The following PALS2 variants were observed in gnomAD, a reference collection of about 807,000 sequenced individuals.
PALS2 encodes the protein protein PALS2.
A neutral mutation model predicts 61.6 loss-of-function variants in PALS2; 27 were observed. The ratio of observed to expected loss-of-function variants is 0.44; its 90% CI spans 0.32 to 0.60. The LOEUF (loss-of-function observed/expected upper bound fraction) is 0.60, where lower values mean the gene tolerates loss of function less well. Among genes scored for constraint, PALS2 ranks in the 20% least tolerant of loss-of-function variants. The pLI, the probability that PALS2 is intolerant of heterozygous loss-of-function variation, is 0.05. For missense variants in PALS2, 554 were observed against 639.4 expected (o/e 0.87, Z 1.44); for synonymous variants, 236 against 218.6 (o/e 1.08, Z -0.70).
intron 3 of PALS2, among the ~76,000 whole-genome samples, chr7:24,648,895 ACT>A (rs1297352066): frequency 6.9e-6 from 1 of 143,886 alleles, no homozygotes; most frequent in Non-Finnish European, 1.5e-5. Context: ...ACAGAGTGAG[ACT>A]CTGTCTCAAA....
intron 6 of PALS2, among the ~76,000 whole-genome samples, 186 bp from the exon 7 acceptor site, chr7:24,665,402 G>C (rs903737237): frequency 2.6e-4 from 39 of 152,088 alleles, no homozygotes; most frequent in African/African-American, 9.2e-4. Flanking sequence ...AGAATTTTAG[G>C]TGCCAATTGA....
chr7:24,644,006 A>G (rs1785696111), intron 3 of PALS2, among the ~76,000 whole-genome samples: 1 of 152,018 alleles, frequency 6.6e-6, no homozygotes, highest in South Asian at 2.1e-4. Flanking sequence ...TTTTATCTTA[A>G]CATTATACAA....
At chr7:24,663,063 T>G (rs1309956806) in intron 5 of PALS2, among the ~76,000 whole-genome samples, 3 of 152,152 alleles carry the variant, frequency 2.0e-5, no homozygotes, top group Non-Finnish European at 4.4e-5. Flanking sequence ...AAATTTAAGA[T>G]GAGCATATAA....
rs770362903 is a variant in PALS2, at chr7:24,666,009, A to G, written c.884-12A>G. ...ATACTGCTTAAGTTATATTTGTTTT[A>G]TCATCCTTCAGGACCTTTTTGTGGA... On this transcript the variant is annotated splice_polypyrimidine_tract_variant and intron_variant, in intron 7 of 11. Coordinates refer to ENST00000222644, the MANE Select transcript of PALS2 (RefSeq NM_001303037.2). The G allele has an allele frequency of 6.3e-7, 1 of 1,598,680 alleles. No individual in the cohort carries two copies. Among genetic ancestry groups the G allele is most frequent in the South Asian group, 1.1e-5 (1 of 90,124 alleles).
intron 1 of PALS2, among the ~76,000 whole-genome samples, chr7:24,616,054 A>C (rs914992419): frequency 1.5e-4 from 23 of 152,302 alleles, no homozygotes; most frequent in Admixed American, 3.3e-4. Flanking sequence ...ACCTTAACAA[A>C]ATAATGGCCA....
At position 24,692,558 on chromosome 7, in the gene PALS2, T is replaced by G. The variant is rs1464369149; in HGVS notation, c.*4944T>G. The G allele has an allele frequency of 6.6e-6, 1 of 152,194 alleles. No homozygotes were observed. The highest frequency in any genetic ancestry group is 1.5e-5 in the Non-Finnish European group (1 of 68,026). The allele number at this position is 152,194 out of a possible 1,614,324, so 9.4% of individuals were successfully genotyped here. On this transcript the variant is annotated 3_prime_UTR_variant, in exon 12 of 12. Coordinates refer to ENST00000222644, the MANE Select transcript of PALS2 (RefSeq NM_001303037.2). The stretch of plus-strand genomic sequence containing the variant: ...GTAATGTAGTGAATGGTGAATACTT[T>G]TCAGGAATTCTTCCAGTTTTAAAAT...
intron 3 of PALS2, among the ~76,000 whole-genome samples, chr7:24,646,897 G>A (rs1785859916): frequency 6.6e-6 from 1 of 152,076 alleles, no homozygotes; most frequent in South Asian, 2.1e-4. Context: ...TATATGTCTA[G>A]GAATTTATCT....
At chr7:24,683,220 TAAG>T (rs1330664444) in intron 11 of PALS2, among the ~76,000 whole-genome samples, 2 of 152,222 alleles carry the variant, frequency 1.3e-5, no homozygotes, top group African/African-American at 2.4e-5. Flanking sequence ...CTAGAATTCT[TAAG>T]AAGAACTTTT....
At chr7:24,669,076 C>T (rs752963646) in intron 9 of PALS2, among the ~76,000 whole-genome samples, 21 of 152,194 alleles carry the variant, frequency 1.4e-4, no homozygotes, top group Non-Finnish European at 8.8e-5. Context: ...TGTGAACTTA[C>T]GTGGCCTGGC....
chr7:24,637,646 A>G (rs995432669), intron 2 of PALS2, among the ~76,000 whole-genome samples: 1 of 152,210 alleles, frequency 6.6e-6, no homozygotes, highest in African/African-American at 2.4e-5. Flanking sequence ...ACACATAACA[A>G]TAATATGATT....
Position 24,691,442 on chromosome 7 carries a change from T to TAC in PALS2, c.*3829_*3830insCA, listed in dbSNP as rs1164649112. On this transcript the variant is annotated 3_prime_UTR_variant, in exon 12 of 12. Transcript: ENST00000222644. ...ATATATATATATATATATATATATA[T>TAC]ATACAGCTATGTGTATAATATGTAA... 7.1e-5 allele frequency: 10 copies of TAC among 140,014 alleles called. No individual in the cohort carries two copies. Among genetic ancestry groups the TAC allele is most frequent in the Non-Finnish European group, 1.4e-4 (9 of 63,694 alleles). 8.7% of individuals were successfully genotyped at this position (140,014 alleles called of 1,614,324 possible). A position where few individuals can be genotyped will look rare whatever the true frequency, so the allele number is the denominator to read the frequency against.
chr7:24,641,684 A>G (rs1035081041), intron 2 of PALS2, 32 bp from the exon 3 acceptor site: 12 of 1,521,558 alleles, frequency 7.9e-6, no homozygotes, highest in African/African-American at 2.8e-5. Flanking sequence ...ACAAATAAGT[A>G]TTACTACTTT....
intron 2 of PALS2, among the ~76,000 whole-genome samples, chr7:24,632,012 C>G (rs1340305669): frequency 6.6e-6 from 1 of 152,212 alleles, no homozygotes; most frequent in Non-Finnish European, 1.5e-5. Flanking sequence ...CCTGCAGTAT[C>G]TCTGAGCTAT....
Position 24,668,527 on chromosome 7 carries a change from T to A in PALS2, c.981T>A (p.Tyr327Ter). The A allele has an allele frequency of 6.2e-7, 1 of 1,613,490 alleles. No individual in the cohort carries two copies. The highest frequency in any genetic ancestry group is 2.2e-5 in the East Asian group (1 of 44,822). Residue 327 changes from tyrosine to a stop codon, truncating the protein, a stop_gained, in exon 9 of 12, where the codon TAT becomes TAA. Transcript: ENST00000222644. LOFTEE classifies it high-confidence loss of function. ...AEFDRHEIQIYEEVAKMPPFQ... is the reference protein window; with the variant it reads ...AEFDRHEIQI ...TTGATCGTCATGAAATCCAGATATA[T>A]GAGGAGGTAGCCAAAATGCCTCCCT...
At chr7:24,629,030 C>G (rs10224096) in intron 2 of PALS2, among the ~76,000 whole-genome samples, 3,578 of 152,218 alleles carry the variant, frequency 0.024, 164 homozygotes, top group African/African-American at 0.082. Context: ...CCGGTATAGC[C>G]TAGACAATCC....
At chr7:24,671,659 T>G (rs1407015411) in intron 9 of PALS2, among the ~76,000 whole-genome samples, 1 of 152,232 alleles carries the variant, frequency 6.6e-6, no homozygotes, top group Non-Finnish European at 1.5e-5. Context: ...TTTAAGAGTT[T>G]ATACTACTGA....
intron 1 of PALS2, among the ~76,000 whole-genome samples, chr7:24,594,752 C>A (rs1052647460): frequency 6.6e-6 from 1 of 152,026 alleles, no homozygotes; most frequent in African/African-American, 2.4e-5. Context: ...TGGTAATTAC[C>A]TTGACCCTAT....
At chr7:24,682,619 CTTAAAAA>C (rs1328046959) in intron 11 of PALS2, among the ~76,000 whole-genome samples, 2 of 152,124 alleles carry the variant, frequency 1.3e-5, no homozygotes, top group Non-Finnish European at 2.9e-5. Flanking sequence ...TGTATAGTGT[CTTAAAAA>C]GTGTTGTTTG....
Position 24,646,460 on chromosome 7 carries a change from A to G in PALS2, c.271-3152A>G, listed in dbSNP as rs544940882. Reference sequence around the variant, plus strand: ...TTTATGTGATGAATCACATTTATTGATTTGCAAATGTTGAACAGACCTTGC... The same window carrying G: ...TTTATGTGATGAATCACATTTATTGGTTTGCAAATGTTGAACAGACCTTGC... On this transcript the variant is annotated intron_variant, in intron 3 of 11. Transcript: ENST00000222644. Among the ~76,000 whole-genome samples, 5 of 152,228 alleles carry G rather than the reference A, an allele frequency of 3.3e-5. No individual in the cohort carries two copies. The South Asian group carries it at 1.0e-3, about 32-fold the overall frequency.
Sources: allele counts gnomAD v4.1 joint callset (sites outside exome capture counted in the v4.1 genomes callset), GRCh38; gene constraint gnomAD v4.1.1; transcripts MANE v1.5; gene names NCBI Gene and HGNC (gene_info 2026-07-23, HGNC 2026-07-21).